Variants in CNOT6L observed in about 807,000 individuals in gnomAD.
CNOT6L encodes the protein CCR4-NOT transcription complex subunit 6-like.
Under a neutral mutation model 64.0 loss-of-function variants are expected in CNOT6L, and 7 were observed. The observed-to-expected ratio is 0.11, with a 90% CI of 0.06 to 0.21. CNOT6L has a LOEUF of 0.21. CNOT6L is among the 10% of genes least tolerant of loss of function. CNOT6L has a pLI of 1.00. For synonymous variants in CNOT6L, 193 were observed against 243.4 expected (o/e 0.79, Z 1.93); for missense variants, 245 against 669.0 (o/e 0.37, Z 6.99).
At chr4:77,737,885 G>C (rs1723155609) in intron 8 of CNOT6L, among the ~76,000 whole-genome samples, 1 of 152,040 alleles carries the variant, frequency 6.6e-6, no homozygotes, top group South Asian at 2.1e-4. Context: ...GAAGAGTACA[G>C]ATCAAAATCT....
intron 1 of CNOT6L, among the ~76,000 whole-genome samples, chr4:77,794,580 C>T (rs1024529261): frequency 6.6e-6 from 1 of 152,094 alleles, no homozygotes; most frequent in Non-Finnish European, 1.5e-5. Flanking sequence ...ATGGCCATTC[C>T]TATTTAAAAA....
rs1724443896 is a variant in CNOT6L at position 77,748,387 on chromosome 4, GA to G, written c.491-4del. 5 of 1,606,956 alleles carry G rather than the reference GA, an allele frequency of 3.1e-6. No homozygotes were observed. The highest frequency in any genetic ancestry group is 1.7e-5 in the Admixed American group (1 of 59,612). ...CGGAGGAAGCTGCTCTGGATGAACT[GA>G]AAAAAATTTTGTAAATATAGGTTAA... On this transcript the variant is annotated splice_polypyrimidine_tract_variant and splice_region_variant and intron_variant, in intron 5 of 11. Transcript: ENST00000504123.
At chr4:77,810,020 TAATA>T (rs150530933) in intron 1 of CNOT6L, among the ~76,000 whole-genome samples, 7,246 of 152,162 alleles carry the variant, frequency 0.048, 230 homozygotes, top group Middle Eastern at 0.085. Context: ...TTAAAAATAA[TAATA>T]AATTGTATCT....
intron 1 of CNOT6L, among the ~76,000 whole-genome samples, chr4:77,794,990 G>A (rs1256685174): frequency 6.6e-6 from 1 of 150,920 alleles, no homozygotes; most frequent in South Asian, 2.1e-4. Flanking sequence ...TCTACATACA[G>A]GTAACAAGCA....
chr4:77,781,073 C>T (rs966709383), intron 1 of CNOT6L, among the ~76,000 whole-genome samples: 1 of 152,148 alleles, frequency 6.6e-6, no homozygotes, highest in Non-Finnish European at 1.5e-5. Flanking sequence ...AGCAAACTAA[C>T]ACAGGAACAG....
intron 7 of CNOT6L, 165 bp from the exon 8 acceptor site, chr4:77,742,460 G>A (rs756792016): frequency 2.8e-6 from 2 of 725,364 alleles, no homozygotes; most frequent in South Asian, 3.1e-5. Context: ...ACTTGACAAT[G>A]GCAGCTTTTT....
At chr4:77,808,040 GA>G (rs112832653) in intron 1 of CNOT6L, among the ~76,000 whole-genome samples, 9,706 of 151,818 alleles carry the variant, frequency 0.064, 462 homozygotes, top group African/African-American at 0.13. Flanking sequence ...AAAGGATTGT[GA>G]AAAAAGAATT....
At chr4:77,727,251 T>TCCC (rs1304204309) in intron 10 of CNOT6L, among the ~76,000 whole-genome samples, 3 of 151,922 alleles carry the variant, frequency 2.0e-5, no homozygotes, top group African/African-American at 7.3e-5. Context: ...ATAACATGAT[T>TCCC]CCCCCCTTGT....
intron 1 of CNOT6L, among the ~76,000 whole-genome samples, chr4:77,778,916 G>A (rs1310949315): frequency 1.3e-5 from 2 of 151,202 alleles, no homozygotes; most frequent in Non-Finnish European, 3.0e-5. Flanking sequence ...GCGTGGTGGC[G>A]GGCGCCTGTA....
intron 4 of CNOT6L, among the ~76,000 whole-genome samples, chr4:77,766,076 G>A (rs1230283076): frequency 6.6e-6 from 1 of 152,026 alleles, no homozygotes; most frequent in Non-Finnish European, 1.5e-5. Context: ...TTTAAGTAGG[G>A]TAAAATCTCA....
intron 1 of CNOT6L, among the ~76,000 whole-genome samples, chr4:77,805,079 A>G (rs1200390035): frequency 3.9e-5 from 6 of 152,154 alleles, no homozygotes; most frequent in Non-Finnish European, 8.8e-5. Context: ...TTTCATATAC[A>G]TGGCAGGACC....
chr4:77,814,445 TTA>T (rs1402425603), intron 1 of CNOT6L, among the ~76,000 whole-genome samples: 1 of 152,290 alleles, frequency 6.6e-6, no homozygotes, highest in East Asian at 1.9e-4. Flanking sequence ...ACATTCCATT[TTA>T]TGTCTCAGAA....
chr4:77,727,474 G>A (rs1721985840), intron 10 of CNOT6L, among the ~76,000 whole-genome samples: 1 of 148,692 alleles, frequency 6.7e-6, no homozygotes, highest in Admixed American at 6.8e-5. Flanking sequence ...GCTAAGGCAG[G>A]AGAATTGCTT....
Position 77,729,085 on chromosome 4 carries a change from AATTT to A in CNOT6L, c.1025-8_1025-5del. ...GCAGCATGAATAGGCTTCATACCTA[AATTT>A]AAACATTACAAAAAGAAGACAAAGT... On this transcript the variant is annotated splice_polypyrimidine_tract_variant and splice_region_variant and intron_variant, in intron 9 of 11. Coordinates refer to ENST00000504123, the MANE Select transcript of CNOT6L (RefSeq NM_144571.3). The A allele has an allele frequency of 6.2e-7, 1 of 1,603,662 alleles. No individual in the cohort carries two copies. The highest frequency in any genetic ancestry group is 8.5e-7 in the Non-Finnish European group (1 of 1,172,130).
At chr4:77,794,150 C>CA (rs10649868) in intron 1 of CNOT6L, among the ~76,000 whole-genome samples, 1,897 of 51,992 alleles carry the variant, frequency 0.036, 517 homozygotes, top group African/African-American at 0.16. Flanking sequence ...GACTCTGTCT[C>CA]AAAAAAAAAA....
At chr4:77,765,995 T>G (rs1195258345) in intron 4 of CNOT6L, among the ~76,000 whole-genome samples, 1 of 152,188 alleles carries the variant, frequency 6.6e-6, no homozygotes, top group African/African-American at 2.4e-5. Context: ...ATAATGTTCT[T>G]TTTCTCTGAC....
intron 1 of CNOT6L, among the ~76,000 whole-genome samples, chr4:77,794,400 C>T (rs1265241739): frequency 6.6e-6 from 1 of 151,766 alleles, no homozygotes; most frequent in Admixed American, 6.6e-5. Context: ...CAAATTAAAT[C>T]CAGCAATATA....
intron 5 of CNOT6L, among the ~76,000 whole-genome samples, chr4:77,756,236 G>A (rs749806976): frequency 3.9e-5 from 6 of 152,116 alleles, no homozygotes; most frequent in South Asian, 2.1e-4. Context: ...CAGGTGATCC[G>A]CCTTCCTCGG....
At chr4:77,791,654 C>G (rs1401931616) in intron 1 of CNOT6L, among the ~76,000 whole-genome samples, 4 of 152,034 alleles carry the variant, frequency 2.6e-5, no homozygotes, top group Non-Finnish European at 4.4e-5. Context: ...CTGTTGTACT[C>G]ATGATATTTT....
Sources: allele counts gnomAD v4.1 joint callset (sites outside exome capture counted in the v4.1 genomes callset), GRCh38; gene constraint gnomAD v4.1.1; transcripts MANE v1.5; gene names NCBI Gene and HGNC (gene_info 2026-07-23, HGNC 2026-07-21).